MYH10: variants seen among roughly 807,000 people sequenced by gnomAD.
MYH10 encodes the protein myosin-10.
In MYH10, 55 loss-of-function variants were observed where a neutral mutation model predicts 257.8. The ratio of observed to expected loss-of-function variants is 0.21; its 90% confidence interval spans 0.17 to 0.27. The LOEUF is 0.27. Ranked by LOEUF, MYH10 falls within the 10% of genes least tolerant of loss-of-function variation. MYH10 has a pLI of 1.00. For synonymous variants in MYH10, 854 were observed against 921.7 expected (o/e 0.93, Z 1.33); for missense variants, 1,631 against 2,500.6 (o/e 0.65, Z 7.42).
rs747974242 is a variant in MYH10, at chr17:8,475,804, TTACTC to T, written c.6019_6023del (p.Glu2007LysfsTer41). 2 of 1,613,914 alleles carry T rather than the reference TTACTC, an allele frequency of 1.2e-6. No homozygotes were observed. The highest frequency in any genetic ancestry group is 1.3e-5 in the African/African-American group (1 of 75,042). Reference sequence around the variant, plus strand: ...TTGCCTCCTCTGGCTTCCTGCAACTTTACTCTGACTGGGGTGGCTGCGTCTCGTTG... The same window carrying T: ...TTGCCTCCTCTGGCTTCCTGCAACTTTGACTGGGGTGGCTGCGTCTCGTTG... On this transcript the variant is annotated frameshift_variant and stop_lost, in exon 43 of 43. Coordinates refer to ENST00000360416, the MANE Select transcript of MYH10 (RefSeq NM_001256012.3). LOFTEE classifies it high-confidence loss of function.
At chr17:8,518,174 C>G (rs2081537132) in intron 21 of MYH10, among the ~76,000 whole-genome samples, 3 of 141,952 alleles carry the variant, frequency 2.1e-5, no homozygotes, top group Non-Finnish European at 3.0e-5. Context: ...ACTTTGTCAC[C>G]CAGGCTGGCA....
At chr17:8,605,127 A>G in intron 2 of MYH10, 145 bp from the exon 3 acceptor site, 1 of 466,222 alleles carries the variant, frequency 2.1e-6, no homozygotes, top group Non-Finnish European at 3.6e-6. Context: ...AATTAAACTT[A>G]GCCTATAATG....
intron 37 of MYH10, 41 bp downstream of exon 37, chr17:8,484,097 C>T (rs1373469949): frequency 6.8e-7 from 1 of 1,478,784 alleles, no homozygotes; most frequent in Admixed American, 2.5e-5. Flanking sequence ...ATTTCAAGGG[C>T]AAATATATTT....
intron 2 of MYH10, among the ~76,000 whole-genome samples, chr17:8,610,345 TTGGGAAGCCACGG>T (rs1412539326): frequency 1.4e-5 from 2 of 143,416 alleles, no homozygotes; most frequent in African/African-American, 5.3e-5. Flanking sequence ...CCCCAGCACT[TTGGGAAGCCACGG>T]TGGGAAGATC....
chr17:8,547,957 T>C (rs147832694), intron 11 of MYH10, among the ~76,000 whole-genome samples: 2 of 152,118 alleles, frequency 1.3e-5, no homozygotes, highest in East Asian at 3.9e-4. Flanking sequence ...AAGTCACTTA[T>C]ATTTGGCAAT....
At chr17:8,595,749 G>A (rs947039978) in intron 3 of MYH10, among the ~76,000 whole-genome samples, 2 of 150,314 alleles carry the variant, frequency 1.3e-5, no homozygotes, top group African/African-American at 2.5e-5. Context: ...GTTGTTTAAC[G>A]GTGTCAGTGC....
chr17:8,567,835 A>G (rs1328731618), intron 7 of MYH10, among the ~76,000 whole-genome samples: 2 of 152,248 alleles, frequency 1.3e-5, no homozygotes, highest in African/African-American at 4.8e-5. Flanking sequence ...ATGCAAAAAC[A>G]GCAATCAGGT....
At position 8,504,638 on chromosome 17, in the gene MYH10, G is replaced by A. The variant is rs1054901199; in HGVS notation, c.3599+56C>T. Reference sequence around the variant, plus strand: ...GCAAGCACACCAGGCATTTCTGCACGGGCTCGGTGGAGAGGTCGGCAGGCG... The same window carrying A: ...GCAAGCACACCAGGCATTTCTGCACAGGCTCGGTGGAGAGGTCGGCAGGCG... On this transcript the variant is annotated intron_variant, in intron 28 of 42. Coordinates refer to ENST00000360416, the MANE Select transcript of MYH10 (RefSeq NM_001256012.3). This position sits in a 1 kb window ranked among gnomAD's most constrained non-coding sequence, Gnocchi z 5.6. 7.0e-5 allele frequency: 104 copies of A among 1,495,544 alleles called. No homozygotes were observed. The highest frequency in any genetic ancestry group is 8.3e-5 in the Non-Finnish European group (90 of 1,085,226). The allele number at this position is 1,495,544 out of a possible 1,614,324, so 92.6% of individuals were successfully genotyped here.
chr17:8,541,889 A>C (rs1176246853), intron 14 of MYH10, among the ~76,000 whole-genome samples: 1 of 152,230 alleles, frequency 6.6e-6, no homozygotes, highest in African/African-American at 2.4e-5. Context: ...CAAGGACAGG[A>C]ATCAAGCTGC....
chr17:8,545,376 C>T lies in MYH10; in HGVS notation c.1431+72G>A. ...TGGTGCCTCGTATGTACTGGGCACA[C>T]AGTAAGCCTTCATATTTGTTAAAAG... On this transcript the variant is annotated intron_variant, in intron 13 of 42. Coordinates refer to ENST00000360416, the MANE Select transcript of MYH10 (RefSeq NM_001256012.3). This position sits in a 1 kb window ranked among gnomAD's most constrained non-coding sequence, Gnocchi z 4.7. 4 of 1,553,352 alleles carry T rather than the reference C, an allele frequency of 2.6e-6. No homozygotes were observed. The South Asian group carries it at 4.6e-5, about 18-fold the overall frequency.
intron 4 of MYH10, among the ~76,000 whole-genome samples, chr17:8,583,166 G>A (rs2083771843): frequency 6.6e-6 from 1 of 152,172 alleles, no homozygotes; most frequent in Non-Finnish European, 1.5e-5. Flanking sequence ...GGACATAACA[G>A]AGGTATTGCA....
chr17:8,492,303 TC>T lies in MYH10; in HGVS notation c.4664del (p.Gly1555GlufsTer14). On this transcript the variant is annotated frameshift_variant, in exon 34 of 43. Transcript: ENST00000360416. LOFTEE classifies it high-confidence loss of function. ...AGCCCACCAGGCGACTTACGTTTTTTCCCACATCATCTTTGGAGCTCATGAG... is the reference window on the plus strand; with the variant it reads ...AGCCCACCAGGCGACTTACGTTTTTTCCACATCATCTTTGGAGCTCATGAG... ...EDLMSSKDDV[G>X]KNVHELEKSK... The T allele has an allele frequency of 1.2e-6, 2 of 1,612,500 alleles. No individual in the cohort carries two copies.
chr17:8,585,204 ATATGTG>A (rs2083855873), intron 4 of MYH10, among the ~76,000 whole-genome samples: 1 of 131,560 alleles, frequency 7.6e-6, no homozygotes, highest in South Asian at 2.7e-4. Context: ...TTATATATAT[ATATGTG>A]TGTGTGTGTA....
At position 8,474,293 on chromosome 17, in the gene MYH10, A is replaced by G. The variant is rs1007634696; in HGVS notation, c.*1511T>C. The G allele has an allele frequency of 5.9e-5, 9 of 152,604 alleles. No individual in the cohort carries two copies. The highest frequency in any genetic ancestry group is 2.0e-4 in the Admixed American group (3 of 15,276). 9.5% of individuals were successfully genotyped at this position (152,604 alleles called of 1,614,324 possible). A position where few individuals can be genotyped will look rare whatever the true frequency, so the allele number is the denominator to read the frequency against. The stretch of plus-strand genomic sequence containing the variant: ...CTTCAAGTAAACAGAGCAGGCGCAA[A>G]TATCTATAATGAATAAATTTATTGT... On this transcript the variant is annotated 3_prime_UTR_variant, in exon 43 of 43. Transcript: ENST00000360416.
chr17:8,490,241 A>T lies in MYH10; in HGVS notation c.4884+99T>A. On this transcript the variant is annotated intron_variant, in intron 35 of 42. Coordinates refer to ENST00000360416, the MANE Select transcript of MYH10 (RefSeq NM_001256012.3). This position sits in a 1 kb window ranked among gnomAD's most constrained non-coding sequence, Gnocchi z 4.1. ...TTACTCTATGTGTTACTCTGTGTTTACTCAGATGTGTTCTAACACGAATGA... is the reference window on the plus strand; with the variant it reads ...TTACTCTATGTGTTACTCTGTGTTTTCTCAGATGTGTTCTAACACGAATGA... 1.0e-6 allele frequency: 1 copy of T among 977,866 alleles called. No homozygotes were observed. Among genetic ancestry groups the T allele is most frequent in the Non-Finnish European group, 1.6e-6 (1 of 619,882 alleles). The allele number at this position is 977,866 out of a possible 1,614,324, so 60.6% of individuals were successfully genotyped here.
At chr17:8,502,708 G>T (rs1157592443) in intron 28 of MYH10, among the ~76,000 whole-genome samples, 1 of 152,100 alleles carries the variant, frequency 6.6e-6, no homozygotes, top group Non-Finnish European at 1.5e-5. Context: ...GTTCTCTAAG[G>T]GTCCTTAGCA....
intron 2 of MYH10, among the ~76,000 whole-genome samples, chr17:8,612,473 T>C (rs1471610747): frequency 1.3e-5 from 2 of 152,182 alleles, no homozygotes; most frequent in Non-Finnish European, 2.9e-5. Flanking sequence ...TACATAACTT[T>C]TATTAAGTAT....
At position 8,545,210 on chromosome 17, in the gene MYH10, A is replaced by G. The variant is rs2151950168; in HGVS notation, c.1431+238T>C. Among the ~76,000 whole-genome samples the G allele has an allele frequency of 6.6e-6, 1 of 152,350 alleles. No homozygotes were observed. Among genetic ancestry groups the G allele is most frequent in the East Asian group, 1.9e-4 (1 of 5,190 alleles). ...GCCTAACTGTTGCCAATGCAGAAGCAACCTTCCCTGAACAGCTATCTCAAG... is the reference window on the plus strand; with the variant it reads ...GCCTAACTGTTGCCAATGCAGAAGCGACCTTCCCTGAACAGCTATCTCAAG... On this transcript the variant is annotated intron_variant, in intron 13 of 42. Transcript: ENST00000360416. This position sits in a 1 kb window ranked among gnomAD's most constrained non-coding sequence, Gnocchi z 4.7.
At chr17:8,489,952 T>G (rs1915514178) in intron 35 of MYH10, among the ~76,000 whole-genome samples, 1 of 152,066 alleles carries the variant, frequency 6.6e-6, no homozygotes, top group Non-Finnish European at 1.5e-5. Flanking sequence ...TTTTGAAGAG[T>G]GATCTAATTA....
Sources: gnomAD v4.1 joint callset for allele counts (sites outside exome capture counted in the v4.1 genomes callset) on GRCh38, gnomAD v4.1.1 for gene constraint, Gnocchi (gnomAD v3.1) non-coding constraint, MANE v1.5 for transcripts, NCBI Gene and HGNC (gene_info 2026-07-23, HGNC 2026-07-21) for gene names.